The following CSMD1 variants were observed in gnomAD, a reference collection of about 807,000 sequenced individuals.
The protein encoded by CSMD1 is CUB and Sushi multiple domains 1, also known as CUB and sushi domain-containing protein 1.
A neutral mutation model predicts 417.5 loss-of-function variants in CSMD1; 213 were observed. That is an observed-to-expected ratio of 0.51 (90% CI 0.46 to 0.57). The LOEUF (loss-of-function observed/expected upper bound fraction) is 0.57, where lower values mean the gene tolerates loss of function less well. Among genes scored for constraint, CSMD1 ranks in the 20% least tolerant of loss-of-function variants. The pLI, the probability that CSMD1 is intolerant of heterozygous loss-of-function variation, is 0.00. For synonymous variants in CSMD1, 2,862 were observed against 1,736.8 expected, an observed-to-expected ratio of 1.65 and a Z score of -16.11; for missense variants, 6,923 against 4,529.7, an observed-to-expected ratio of 1.53 and a Z score of -15.17.
intron 3 of CSMD1, among the ~76,000 whole-genome samples, chr8:4,181,427 G>A (rs925762185): frequency 2.6e-5 from 4 of 151,576 alleles, no homozygotes; most frequent in Non-Finnish European, 4.4e-5. Flanking sequence ...GCTTCCCTGG[G>A]CAACATTGGA....
intron 62 of CSMD1, among the ~76,000 whole-genome samples, chr8:2,959,194 C>T (rs1288961580): frequency 1.3e-5 from 2 of 152,304 alleles, no homozygotes; most frequent in Admixed American, 6.5e-5. Flanking sequence ...CATCCTTGAC[C>T]TCCAGGGCTC....
chr8:4,309,204 G>A (rs1563429799), intron 3 of CSMD1, among the ~76,000 whole-genome samples: 2 of 151,764 alleles, frequency 1.3e-5, no homozygotes, highest in Non-Finnish European at 2.9e-5. Flanking sequence ...CAATTCCTAG[G>A]GTCAGTTTGA....
chr8:3,506,778 T>G (rs1464644658), intron 10 of CSMD1, among the ~76,000 whole-genome samples: 2 of 152,242 alleles, frequency 1.3e-5, no homozygotes, highest in African/African-American at 2.4e-5. Flanking sequence ...TGGTTGGCAG[T>G]GATTTACTTC....
intron 11 of CSMD1, among the ~76,000 whole-genome samples, chr8:3,486,169 C>T (rs1021657333): frequency 6.6e-6 from 1 of 152,172 alleles, no homozygotes; most frequent in Non-Finnish European, 1.5e-5. Context: ...TGATTCTGAA[C>T]ATGGCAGAAC....
chr8:3,620,415 C>T (rs570582634), intron 7 of CSMD1, among the ~76,000 whole-genome samples: 1 of 152,100 alleles, frequency 6.6e-6, no homozygotes, highest in East Asian at 1.9e-4. Flanking sequence ...CTTAAAACCC[C>T]CATGTTCATT....
Position 4,579,452 on chromosome 8 carries a change from A to G in CSMD1, c.302+57890T>C, listed in dbSNP as rs188080124. Among the ~76,000 whole-genome samples the G allele has an allele frequency of 3.6e-4, 55 of 151,912 alleles. No homozygotes were observed. The East Asian group carries it at 0.011, about 30-fold the overall frequency. On this transcript the variant is annotated intron_variant, in intron 2 of 69. Coordinates refer to ENST00000635120, the MANE Select transcript of CSMD1 (RefSeq NM_033225.6). The stretch of plus-strand genomic sequence containing the variant: ...CAGCTCAGTGCAACCTCCGCCTCCC[A>G]GGTTCAAGTAATTCTCCTGCCTCCC...
rs1172600205 is a variant in CSMD1 at position 4,578,332 on chromosome 8, ATTTT to A, written c.302+59006_302+59009del. Among the ~76,000 whole-genome samples the A allele has an allele frequency of 5.9e-3, 290 of 48,770 alleles. 2 individuals are homozygous for A. Among genetic ancestry groups the A allele is most frequent in the South Asian group, 0.014 (10 of 726 alleles). 32.0% of individuals were successfully genotyped at this position (48,770 alleles called of 152,430 possible). ...AGGCACCTGCCACGACACCCGGCTC[ATTTT>A]TTTTTTTTTTTTTTTTTTTTTTTTA... On this transcript the variant is annotated intron_variant, in intron 2 of 69. Transcript: ENST00000635120.
chr8:3,855,049 C>G (rs1344501297), intron 5 of CSMD1, among the ~76,000 whole-genome samples: 1 of 152,056 alleles, frequency 6.6e-6, no homozygotes. Flanking sequence ...ATGCAGAGAG[C>G]TTGAGAGAAA....
chr8:3,307,293 G>T (rs1804947824), intron 25 of CSMD1, among the ~76,000 whole-genome samples: 1 of 151,756 alleles, frequency 6.6e-6, no homozygotes, highest in South Asian at 2.1e-4. Flanking sequence ...GTGTGCAGGG[G>T]CTCCTGCTTT....
intron 3 of CSMD1, among the ~76,000 whole-genome samples, chr8:4,323,698 T>C (rs187933175): frequency 2.0e-4 from 31 of 152,234 alleles, no homozygotes; most frequent in African/African-American, 5.8e-4. Flanking sequence ...ATGTATAAAA[T>C]AGAAGGAAGC....
intron 6 of CSMD1, among the ~76,000 whole-genome samples, chr8:3,745,595 C>T (rs188816599): frequency 3.0e-4 from 46 of 152,308 alleles, no homozygotes; most frequent in African/African-American, 1.0e-3. Context: ...TTTTGGAACT[C>T]ATCTCTGGAT....
At chr8:4,227,483 G>C (rs904334324) in intron 3 of CSMD1, among the ~76,000 whole-genome samples, 1 of 152,078 alleles carries the variant, frequency 6.6e-6, no homozygotes, top group African/African-American at 2.4e-5. Context: ...GAGGAGTCCT[G>C]TGCCCTTGAG....
rs778633534 is a variant in CSMD1, at chr8:4,459,802, C to T, written c.303-39737G>A. Among the ~76,000 whole-genome samples, 5 of 152,160 alleles carry T rather than the reference C, an allele frequency of 3.3e-5. No individual in the cohort carries two copies. In the South Asian group the frequency reaches 6.2e-4, roughly 19 times the overall value. On this transcript the variant is annotated intron_variant, in intron 2 of 69. Coordinates refer to ENST00000635120, the MANE Select transcript of CSMD1 (RefSeq NM_033225.6). ...AAAATTAATTTTTGCTGTTTAAAACCATACAATTTGTGGTACTTTGTGTCA... is the reference window on the plus strand; with the variant it reads ...AAAATTAATTTTTGCTGTTTAAAACTATACAATTTGTGGTACTTTGTGTCA...
At chr8:4,083,540 A>G (rs977940684) in intron 3 of CSMD1, among the ~76,000 whole-genome samples, 6 of 152,224 alleles carry the variant, frequency 3.9e-5, no homozygotes, top group African/African-American at 1.4e-4. Context: ...AATGCCGCAT[A>G]TTTACAACTG....
At chr8:3,742,517 C>T (rs999965783) in intron 6 of CSMD1, among the ~76,000 whole-genome samples, 2 of 152,172 alleles carry the variant, frequency 1.3e-5, no homozygotes, top group African/African-American at 4.8e-5. Context: ...ATAGTTGGCA[C>T]TGCACTGAAA....
In CSMD1 at chr8:3,407,895, T is replaced by G. The variant is rs768004123; in HGVS notation, c.2071+4A>C. Reference sequence around the variant, plus strand: ...GGATGTGTTGACTGTGTGGGCGTACTTACTGGTGTAAGTGATGTTGAACCC... The same window carrying G: ...GGATGTGTTGACTGTGTGGGCGTACGTACTGGTGTAAGTGATGTTGAACCC... On this transcript the variant is annotated splice_donor_region_variant and intron_variant, in intron 14 of 69. Transcript: ENST00000635120. The G allele has an allele frequency of 6.2e-7, 1 of 1,600,776 alleles. No homozygotes were observed.
rs1429610952 is a variant in CSMD1 at position 3,344,835 on chromosome 8, T to C, written c.3475-1385A>G. Among the ~76,000 whole-genome samples, 8 of 152,370 alleles carry C rather than the reference T, an allele frequency of 5.3e-5. No individual in the cohort carries two copies. In the East Asian group the frequency reaches 1.4e-3, roughly 26 times the overall value. On this transcript the variant is annotated intron_variant, in intron 22 of 69. Transcript: ENST00000635120. ...GAAAAGATAATTTTGTGGGTAGTTA[T>C]TTCATTACAATTAAATATGCACATG... is the stretch of plus-strand genomic sequence containing the variant.
chr8:3,486,942 G>A (rs979094556), intron 11 of CSMD1, among the ~76,000 whole-genome samples: 2 of 152,148 alleles, frequency 1.3e-5, no homozygotes, highest in Non-Finnish European at 1.5e-5. Flanking sequence ...TAATGACGAA[G>A]GTTGGGCAGC....
At chr8:4,017,692 C>G (rs1333439099) in intron 4 of CSMD1, among the ~76,000 whole-genome samples, 2 of 152,022 alleles carry the variant, frequency 1.3e-5, no homozygotes, top group Non-Finnish European at 2.9e-5. Flanking sequence ...ACTTCAAAAA[C>G]TGCATGGTCA....
Sources: gnomAD v4.1 joint callset for allele counts (sites outside exome capture counted in the v4.1 genomes callset) on GRCh38, gnomAD v4.1.1 for gene constraint, MANE v1.5 for transcripts, NCBI Gene and HGNC (gene_info 2026-07-23, HGNC 2026-07-21) for gene names.